The following RTN1 variants were observed in gnomAD, a reference collection of about 807,000 sequenced individuals.
RTN1 encodes reticulon-1.
A neutral mutation model predicts 65.5 loss-of-function variants in RTN1; 25 were observed. The observed-to-expected ratio is 0.38, with a 90% confidence interval of 0.28 to 0.53. The LOEUF (loss-of-function observed/expected upper bound fraction) is 0.53, where lower values mean the gene tolerates loss of function less well. RTN1 is among the 20% of genes least tolerant of loss of function. RTN1 has a pLI of 0.79. For synonymous variants in RTN1, 471 were observed against 447.6 expected, an observed-to-expected ratio of 1.05 and a Z score of -0.66; for missense variants, 983 against 1,025.4, an observed-to-expected ratio of 0.96 and a Z score of 0.57.
intron 2 of RTN1, among the ~76,000 whole-genome samples, chr14:59,734,476 C>A (rs559922036): frequency 1.3e-5 from 2 of 152,140 alleles, no homozygotes; most frequent in East Asian, 3.9e-4. Flanking sequence ...GACAAAGAGG[C>A]AAATAATCAT....
At chr14:59,748,124 G>C (rs779413435) in intron 1 of RTN1, among the ~76,000 whole-genome samples, 1 of 151,438 alleles carries the variant, frequency 6.6e-6, no homozygotes, top group Non-Finnish European at 1.5e-5. Flanking sequence ...GGCAGTAAGT[G>C]GTAGAACCAG....
intron 3 of RTN1, among the ~76,000 whole-genome samples, chr14:59,705,930 G>A (rs1321761945): frequency 6.6e-6 from 1 of 152,132 alleles, no homozygotes; most frequent in Non-Finnish European, 1.5e-5. Flanking sequence ...ACCTTCTCCT[G>A]CCTCCCCGTT....
intron 3 of RTN1, among the ~76,000 whole-genome samples, chr14:59,657,201 G>C (rs1883138910): frequency 6.6e-6 from 1 of 152,134 alleles, no homozygotes. Context: ...CTGAGGTCAG[G>C]AGTTAGAGAC....
chr14:59,735,922 C>T (rs754442230), intron 2 of RTN1, among the ~76,000 whole-genome samples: 27 of 152,170 alleles, frequency 1.8e-4, no homozygotes, highest in Non-Finnish European at 3.5e-4. Flanking sequence ...GGAAACTAAA[C>T]AGCATGCTCC....
intron 1 of RTN1, among the ~76,000 whole-genome samples, chr14:59,844,777 G>A (rs992084003): frequency 3.9e-5 from 6 of 152,030 alleles, no homozygotes; most frequent in African/African-American, 1.4e-4. Flanking sequence ...AAAAGATAAC[G>A]ACTTAGGGAA....
Position 59,794,426 on chromosome 14 carries a change from T to C in RTN1, c.242-47945A>G, listed in dbSNP as rs891848734. Among the ~76,000 whole-genome samples the C allele has an allele frequency of 6.6e-6, 1 of 152,222 alleles. No individual in the cohort carries two copies. The highest frequency in any genetic ancestry group is 1.5e-5 in the Non-Finnish European group (1 of 68,038). On this transcript the variant is annotated intron_variant, in intron 1 of 8. Transcript: ENST00000267484. The surrounding 1 kb of genome is among the most constrained non-coding windows in gnomAD (Gnocchi z 5.1). ...ATCACCTCCAAAGCCTGTCTACGTC[T>C]AGAATTTTCAGTTTCATCAGCCAAC...
At chr14:59,823,795 T>G (rs1886984695) in intron 1 of RTN1, among the ~76,000 whole-genome samples, 1 of 152,190 alleles carries the variant, frequency 6.6e-6, no homozygotes, top group Non-Finnish European at 1.5e-5. Context: ...TTCTCTGAAT[T>G]TACACGTCAA....
At chr14:59,602,150 T>C (rs1881599469) in intron 8 of RTN1, among the ~76,000 whole-genome samples, 1 of 152,190 alleles carries the variant, frequency 6.6e-6, no homozygotes, top group African/African-American at 2.4e-5. Flanking sequence ...AGAGGAACTT[T>C]AATGTGATTG....
chr14:59,596,979 A>G (rs1881420804), intron 8 of RTN1, among the ~76,000 whole-genome samples, 192 bp from the exon 9 acceptor site: 1 of 152,218 alleles, frequency 6.6e-6, no homozygotes, highest in South Asian at 2.1e-4. Flanking sequence ...GATAATGAAA[A>G]TAACAGCAAC....
chr14:59,630,465 C>G (rs1415780802), intron 3 of RTN1: 1 of 1,613,762 alleles, frequency 6.2e-7, no homozygotes. Flanking sequence ...TCCAGTTGCT[C>G]CACACACAGT....
At chr14:59,817,142 C>A (rs1258752048) in intron 1 of RTN1, among the ~76,000 whole-genome samples, 1 of 151,994 alleles carries the variant, frequency 6.6e-6, no homozygotes, top group Non-Finnish European at 1.5e-5. Flanking sequence ...TGGCACCAAG[C>A]CAAACACTGG....
chr14:59,823,901 A>G (rs367868069), intron 1 of RTN1, among the ~76,000 whole-genome samples: 1 of 152,208 alleles, frequency 6.6e-6, no homozygotes, highest in Non-Finnish European at 1.5e-5. Flanking sequence ...AGGAAGACCA[A>G]TGAGTTGCAA....
rs1010492966 is a variant in RTN1 at position 59,727,728 on chromosome 14, CAG to C, written c.1016-62_1016-61del. 6 of 1,507,514 alleles carry C rather than the reference CAG, an allele frequency of 4.0e-6. No homozygotes were observed. The highest frequency in any genetic ancestry group is 1.4e-5 in the African/African-American group (1 of 71,568). 93.4% of individuals were successfully genotyped at this position (1,507,514 alleles called of 1,614,324 possible). Reference sequence around the variant, plus strand: ...GCACACACACGGACAGACAGATGGACAGAGAGAGGAGGGATAAAACAAAATTC... The same window carrying C: ...GCACACACACGGACAGACAGATGGACAGAGAGGAGGGATAAAACAAAATTC... On this transcript the variant is annotated intron_variant, in intron 2 of 8. Transcript: ENST00000267484. This position sits in a 1 kb window ranked among gnomAD's most constrained non-coding sequence, Gnocchi z 4.2.
chr14:59,870,451 C>T lies in RTN1; in HGVS notation c.180G>A (p.Ser60=). ...GLGARAREAA[S]REAGSGPARQ... ...GGGCGGGGCCCGAGCCGGCTTCCCG[C>T]GACGCCGCTTCCCGGGCCCTGGCGC... is the stretch of plus-strand genomic sequence containing the variant. Residue 60 remains serine (S), a synonymous_variant, in exon 1 of 9, where the codon TCG becomes TCA. Transcript: ENST00000267484. The surrounding 1 kb of genome is among the most constrained non-coding windows in gnomAD (Gnocchi z 5.1). The T allele has an allele frequency of 1.3e-6, 2 of 1,503,850 alleles. No individual in the cohort carries two copies. Among genetic ancestry groups the T allele is most frequent in the Non-Finnish European group, 8.8e-7 (1 of 1,136,762 alleles). The allele number at this position is 1,503,850 out of a possible 1,614,324, so 93.2% of individuals were successfully genotyped here.
At chr14:59,765,426 T>C (rs1004442389) in intron 1 of RTN1, among the ~76,000 whole-genome samples, 6 of 152,266 alleles carry the variant, frequency 3.9e-5, no homozygotes, top group Non-Finnish European at 7.3e-5. Flanking sequence ...ACAGAAATGT[T>C]GATGCTTTGA....
chr14:59,749,596 T>C (rs1441457938), intron 1 of RTN1, among the ~76,000 whole-genome samples: 1 of 68,288 alleles, frequency 1.5e-5, no homozygotes, highest in Non-Finnish European at 2.2e-5. Flanking sequence ...TTTATATATA[T>C]ATCTATCTAT....
chr14:59,602,005 A>C (rs757372931), intron 8 of RTN1, among the ~76,000 whole-genome samples: 51 of 151,234 alleles, frequency 3.4e-4, no homozygotes, highest in Non-Finnish European at 6.8e-4. Context: ...TAGATCTCTC[A>C]AAGATCCAAA....
intron 1 of RTN1, among the ~76,000 whole-genome samples, chr14:59,810,428 G>T (rs1173929850): frequency 1.3e-5 from 2 of 152,180 alleles, no homozygotes; most frequent in African/African-American, 4.8e-5. Context: ...TACTGTAGAA[G>T]TAATAGAGTT....
intron 1 of RTN1, among the ~76,000 whole-genome samples, chr14:59,760,752 C>G (rs1161268259): frequency 1.3e-5 from 2 of 152,212 alleles, no homozygotes; most frequent in Non-Finnish European, 2.9e-5. Flanking sequence ...ACGTGCTTCA[C>G]TTTTCTCTGG....
Sources: allele counts gnomAD v4.1 joint callset (sites outside exome capture counted in the v4.1 genomes callset), GRCh38; gene constraint gnomAD v4.1.1; non-coding constraint Gnocchi (gnomAD v3.1); transcripts MANE v1.5; gene names NCBI Gene and HGNC (gene_info 2026-07-23, HGNC 2026-07-21).